CUX2: variants seen among roughly 807,000 people sequenced by gnomAD.
The protein encoded by CUX2 is cut like homeobox 2, also known as homeobox protein cut-like 2.
CUX2 carries 40 observed loss-of-function variants against 144.8 expected under a neutral mutation model. The observed-to-expected ratio is 0.28, with a 90% CI of 0.21 to 0.36. CUX2 has a LOEUF of 0.36. Ranked by LOEUF, CUX2 falls within the 10% of genes least tolerant of loss-of-function variation. The pLI, the probability that CUX2 is intolerant of heterozygous loss-of-function variation, is 1.00. For synonymous variants in CUX2, 827 were observed against 875.6 expected (o/e 0.94, Z 0.98); for missense variants, 1,615 against 1,994.0 (o/e 0.81, Z 3.62).
intron 1 of CUX2, among the ~76,000 whole-genome samples, chr12:111,172,464 A>G (rs747833449): frequency 3.3e-5 from 5 of 152,220 alleles, no homozygotes; most frequent in Non-Finnish European, 5.9e-5. Flanking sequence ...AAGATGATGC[A>G]GTAACGAACA....
intron 3 of CUX2, among the ~76,000 whole-genome samples, chr12:111,249,534 G>A (rs1883466978): frequency 7.1e-6 from 1 of 140,224 alleles, no homozygotes; most frequent in Non-Finnish European, 1.5e-5. Flanking sequence ...TCGGCTCACT[G>A]CAACCTCTGC....
At chr12:111,232,780 C>A (rs1314776676) in intron 3 of CUX2, among the ~76,000 whole-genome samples, 1 of 152,184 alleles carries the variant, frequency 6.6e-6, no homozygotes, top group Non-Finnish European at 1.5e-5. Flanking sequence ...TCACCTTATT[C>A]ATTCACATAT....
chr12:111,056,139 G>A (rs772362586), intron 1 of CUX2, among the ~76,000 whole-genome samples: 54 of 152,334 alleles, frequency 3.5e-4, no homozygotes, highest in Non-Finnish European at 6.5e-4. Flanking sequence ...CCATGGATGC[G>A]TTTCTCATGC....
chr12:111,268,257 C>T (rs1033324731), intron 4 of CUX2, among the ~76,000 whole-genome samples: 3 of 151,788 alleles, frequency 2.0e-5, no homozygotes, highest in Non-Finnish European at 4.4e-5. Context: ...CAGGGTCTTG[C>T]TCTGTTTCCC....
chr12:111,136,352 A>C (rs995956428), intron 1 of CUX2, among the ~76,000 whole-genome samples: 8 of 151,986 alleles, frequency 5.3e-5, no homozygotes, highest in Admixed American at 1.3e-4. Flanking sequence ...CCCTTTCCTG[A>C]GATGGTGGTG....
intron 3 of CUX2, among the ~76,000 whole-genome samples, chr12:111,240,340 C>G (rs2136257904): frequency 6.6e-6 from 1 of 152,370 alleles, no homozygotes. Context: ...GGTCCCCCCT[C>G]CAGCCCTCTC....
intron 1 of CUX2, among the ~76,000 whole-genome samples, chr12:111,110,103 A>C (rs1873852221): frequency 6.6e-6 from 1 of 150,550 alleles, no homozygotes; most frequent in African/African-American, 2.4e-5. Context: ...GGCTGGTCTC[A>C]AACTCCTAGG....
Position 111,312,289 on chromosome 12 carries a change from A to C in CUX2, c.2002+88A>C. The C allele has an allele frequency of 3.3e-6, 4 of 1,203,872 alleles. No individual in the cohort carries two copies. Among genetic ancestry groups the C allele is most frequent in the Non-Finnish European group, 4.7e-6 (4 of 849,526 alleles). 74.6% of individuals were successfully genotyped at this position (1,203,872 alleles called of 1,614,324 possible). ...GGCTTCGTCTACCTTTGTCCACCCC[A>C]GAGGGAATCCAAGGTGGATCAGAAC... On this transcript the variant is annotated intron_variant, in intron 16 of 21. Coordinates refer to ENST00000261726, the MANE Select transcript of CUX2 (RefSeq NM_015267.4). The surrounding 1 kb of genome is among the most constrained non-coding windows in gnomAD (Gnocchi z 4.3).
Position 111,222,091 on chromosome 12 carries a change from C to T in CUX2, c.222+4154C>T, listed in dbSNP as rs533323257. On this transcript the variant is annotated intron_variant, in intron 3 of 21. Coordinates refer to ENST00000261726, the MANE Select transcript of CUX2 (RefSeq NM_015267.4). The stretch of plus-strand genomic sequence containing the variant: ...AATAATTTAGCAAACATAATCAAGT[C>T]GCACAGATGGGGTTGTTGATGGATG... Among the ~76,000 whole-genome samples, 11 of 152,248 alleles carry T rather than the reference C, an allele frequency of 7.2e-5. No homozygotes were observed. The South Asian group carries it at 2.3e-3, about 32-fold the overall frequency.
rs1870564347 is a variant in CUX2, at chr12:111,057,152, G to T, written c.63+22912G>T. On this transcript the variant is annotated intron_variant, in intron 1 of 21. Transcript: ENST00000261726. This position sits in a 1 kb window ranked among gnomAD's most constrained non-coding sequence, Gnocchi z 5.1. Reference sequence around the variant, plus strand: ...CAATGGTTGTGACGGGAGGTTGTGTGACGAGAGTGAGTATGACAGGAAATG... The same window carrying T: ...CAATGGTTGTGACGGGAGGTTGTGTTACGAGAGTGAGTATGACAGGAAATG... Among the ~76,000 whole-genome samples the T allele has an allele frequency of 6.6e-6, 1 of 152,114 alleles. No homozygotes were observed. The highest frequency in any genetic ancestry group is 6.5e-5 in the Admixed American group (1 of 15,276).
In CUX2 at chr12:111,320,633, C is replaced by T. The variant is rs527495456; in HGVS notation, c.2624C>T (p.Thr875Ile). 6.3e-7 allele frequency: 1 copy of T among 1,594,192 alleles called. No homozygotes were observed. The highest frequency in any genetic ancestry group is 1.1e-5 in the South Asian group (1 of 90,460). The change falls in exon 17 of 22, where the codon ACC (threonine) becomes ATC (isoleucine). Residue 875 changes from threonine (T) to isoleucine (I), a missense_variant. Coordinates refer to ENST00000261726, the MANE Select transcript of CUX2 (RefSeq NM_015267.4). This position sits in a 1 kb window ranked among gnomAD's most constrained non-coding sequence, Gnocchi z 8.1. ...TACTACCCGGCCTACGTGCCGCGCA[C>T]CCTGAAGCCCACCGTGCCGCCGCTG... ...LPYYPAYVPR[T>I]LKPTVPPLTP...
intron 7 of CUX2, among the ~76,000 whole-genome samples, chr12:111,296,159 G>T (rs1184534831): frequency 1.3e-5 from 2 of 152,028 alleles, no homozygotes; most frequent in African/African-American, 4.8e-5. Flanking sequence ...CAGGTCATGG[G>T]GCAGACAGCA....
chr12:111,058,775 G>T (rs901719049), intron 1 of CUX2, among the ~76,000 whole-genome samples: 2 of 152,262 alleles, frequency 1.3e-5, no homozygotes, highest in South Asian at 4.1e-4. Context: ...CAAAGTAAAA[G>T]CAAGTTTATT....
intron 1 of CUX2, among the ~76,000 whole-genome samples, chr12:111,180,420 C>T (rs953944772): frequency 6.6e-6 from 1 of 152,180 alleles, no homozygotes; most frequent in Non-Finnish European, 1.5e-5. Flanking sequence ...GAACCCTTGA[C>T]ATGTGGCATT....
Position 111,304,910 on chromosome 12 carries a change from T to G in CUX2, c.858+596T>G, listed in dbSNP as rs1404701720. On this transcript the variant is annotated intron_variant, in intron 10 of 21. Transcript: ENST00000261726. This position sits in a 1 kb window ranked among gnomAD's most constrained non-coding sequence, Gnocchi z 4.7. The stretch of plus-strand genomic sequence containing the variant: ...AGTGGGGCCACATACCAAGATAAAA[T>G]TTAACATTCATACTCAGCCATTGGT... 1.3e-5 allele frequency among the ~76,000 whole-genome samples: 2 copies of G among 152,186 alleles called. No homozygotes were observed. The highest frequency in any genetic ancestry group is 2.9e-5 in the Non-Finnish European group (2 of 68,026).
chr12:111,142,533 A>G (rs1381963442), intron 1 of CUX2, among the ~76,000 whole-genome samples: 225 of 134,518 alleles, frequency 1.7e-3, no homozygotes, highest in African/African-American at 7.6e-3. Context: ...GGGAAGGAAA[A>G]AAAAAAAAAA....
intron 1 of CUX2, among the ~76,000 whole-genome samples, chr12:111,085,612 C>G (rs1175814056): frequency 6.6e-6 from 1 of 152,226 alleles, no homozygotes; most frequent in African/African-American, 2.4e-5. Context: ...TGTACCTCTG[C>G]CCAGAATGCT....
intron 20 of CUX2, 54 bp downstream of exon 20, chr12:111,338,528 A>G (rs1440480823): frequency 6.5e-7 from 1 of 1,527,890 alleles, no homozygotes; most frequent in Non-Finnish European, 8.9e-7. Flanking sequence ...TTTTCCCCAG[A>G]ACCATATCTA....
At chr12:111,247,468 A>G (rs909252658) in intron 3 of CUX2, among the ~76,000 whole-genome samples, 5 of 152,218 alleles carry the variant, frequency 3.3e-5, no homozygotes, top group African/African-American at 1.2e-4. Context: ...TGTCAGGATC[A>G]CTGCAAAGGG....
Sources: allele counts gnomAD v4.1 joint callset (sites outside exome capture counted in the v4.1 genomes callset), GRCh38; gene constraint gnomAD v4.1.1; non-coding constraint Gnocchi (gnomAD v3.1); transcripts MANE v1.5; gene names NCBI Gene and HGNC (gene_info 2026-07-23, HGNC 2026-07-21).